Variants in LRRC4C observed in about 807,000 individuals in gnomAD.
LRRC4C encodes the protein leucine-rich repeat-containing protein 4C.
LRRC4C carries 5 observed loss-of-function variants against 33.6 expected under a neutral mutation model. The observed-to-expected ratio is 0.15, with a 90% CI of 0.08 to 0.31. The LOEUF (loss-of-function observed/expected upper bound fraction) is 0.31. Among genes scored for constraint, LRRC4C ranks in the 10% least tolerant of loss-of-function variants. LRRC4C has a pLI of 1.00. For synonymous variants in LRRC4C, 329 were observed against 302.0 expected, an observed-to-expected ratio of 1.09 and a Z score of -0.93; for missense variants, 560 against 796.7, an observed-to-expected ratio of 0.70 and a Z score of 3.58.
At chr11:40,243,686 T>TA (rs1866098477) in intron 4 of LRRC4C, among the ~76,000 whole-genome samples, 1 of 144,428 alleles carries the variant, frequency 6.9e-6, no homozygotes, top group African/African-American at 2.5e-5. Context: ...AAAACTTATA[T>TA]CTTTTTTTTT....
intron 1 of LRRC4C, among the ~76,000 whole-genome samples, chr11:41,199,755 C>A (rs1946330455): frequency 6.6e-6 from 1 of 152,084 alleles, no homozygotes; most frequent in Admixed American, 6.6e-5. Flanking sequence ...AAGGGAGTCC[C>A]AAATGTGGAA....
chr11:41,251,226 A>T (rs1948628052), intron 1 of LRRC4C, among the ~76,000 whole-genome samples: 1 of 152,244 alleles, frequency 6.6e-6, no homozygotes, highest in Non-Finnish European at 1.5e-5. Flanking sequence ...GCCTACCATT[A>T]AGAAGGAGGT....
chr11:40,629,974 T>C (rs1264355616), intron 3 of LRRC4C, among the ~76,000 whole-genome samples: 2 of 152,120 alleles, frequency 1.3e-5, no homozygotes, highest in South Asian at 2.1e-4. Flanking sequence ...GTTTTCTCAG[T>C]ACTAAAATCT....
intron 5 of LRRC4C, among the ~76,000 whole-genome samples, chr11:40,213,310 G>A (rs937593974): frequency 6.6e-6 from 1 of 152,158 alleles, no homozygotes; most frequent in African/African-American, 2.4e-5. Flanking sequence ...AAGGGCAAAA[G>A]GAATGGTATT....
At chr11:40,936,252 A>G (rs1382771118) in intron 1 of LRRC4C, among the ~76,000 whole-genome samples, 1 of 149,312 alleles carries the variant, frequency 6.7e-6, no homozygotes, top group Admixed American at 6.7e-5. Flanking sequence ...TAGATAATTT[A>G]TGTTCACCTG....
chr11:40,722,492 TTGAGCCTTG>T (rs1564977153), intron 2 of LRRC4C, among the ~76,000 whole-genome samples: 1 of 152,186 alleles, frequency 6.6e-6, no homozygotes, highest in African/African-American at 2.4e-5. Flanking sequence ...GAAACCCACA[TTGAGCCTTG>T]GGCCCCTGAA....
intron 2 of LRRC4C, among the ~76,000 whole-genome samples, chr11:40,683,826 A>G (rs568002440): frequency 6.6e-6 from 1 of 152,322 alleles, no homozygotes; most frequent in Admixed American, 6.5e-5. Flanking sequence ...GCCAATGAGG[A>G]AGCATGTCAT....
At chr11:40,476,506 T>A (rs955762503) in intron 3 of LRRC4C, among the ~76,000 whole-genome samples, 3 of 151,822 alleles carry the variant, frequency 2.0e-5, no homozygotes, top group Admixed American at 2.0e-4. Flanking sequence ...CCACCATGTC[T>A]GGCTAATTTT....
chr11:40,613,017 A>G (rs1490217480), intron 3 of LRRC4C, among the ~76,000 whole-genome samples: 4 of 151,974 alleles, frequency 2.6e-5, no homozygotes, highest in Non-Finnish European at 4.4e-5. Context: ...GCTAACAAGC[A>G]TCTGAGTCTC....
At chr11:41,091,945 T>C (rs976734391) in intron 1 of LRRC4C, among the ~76,000 whole-genome samples, 3 of 152,074 alleles carry the variant, frequency 2.0e-5, no homozygotes, top group Non-Finnish European at 4.4e-5. Flanking sequence ...CAATATTGCC[T>C]ATAAGGAATT....
chr11:40,763,728 T>C (rs1949330377), intron 2 of LRRC4C, among the ~76,000 whole-genome samples: 2 of 151,970 alleles, frequency 1.3e-5, no homozygotes, highest in African/African-American at 4.8e-5. Context: ...CAAAATAGGA[T>C]AGAATTGAGC....
chr11:41,059,051 CTT>C (rs1181462841), intron 1 of LRRC4C, among the ~76,000 whole-genome samples: 1 of 151,958 alleles, frequency 6.6e-6, no homozygotes, highest in Non-Finnish European at 1.5e-5. Context: ...CCAGGGCTGA[CTT>C]GAGGGTAGAA....
chr11:41,277,061 C>A (rs543896081), intron 1 of LRRC4C, among the ~76,000 whole-genome samples: 1 of 152,194 alleles, frequency 6.6e-6, no homozygotes, highest in African/African-American at 2.4e-5. Flanking sequence ...AGAGTAGCAA[C>A]CTTATTCATT....
chr11:40,326,811 C>A lies in LRRC4C; in HGVS notation c.-269-7090G>T, dbSNP rs541447260. Among the ~76,000 whole-genome samples the A allele has an allele frequency of 3.2e-4, 48 of 152,156 alleles. No homozygotes were observed. In the South Asian group the frequency reaches 9.7e-3, roughly 31 times the overall value. ...TCTTCTAAGATATAAGTGGAGAGAG[C>A]AATTGATCTGAGTTTTTTAAAGATG... On this transcript the variant is annotated intron_variant, in intron 3 of 6. Transcript: ENST00000528697.
intron 2 of LRRC4C, among the ~76,000 whole-genome samples, chr11:40,912,613 C>T (rs1006846414): frequency 4.6e-5 from 7 of 152,164 alleles, no homozygotes; most frequent in Non-Finnish European, 1.0e-4. Flanking sequence ...TAAAGACCAT[C>T]AAGGCTAGGA....
chr11:40,287,088 T>G (rs373775517), intron 4 of LRRC4C, among the ~76,000 whole-genome samples: 2 of 152,094 alleles, frequency 1.3e-5, no homozygotes, highest in East Asian at 3.8e-4. Context: ...TAACCTTAGT[T>G]TTTACTTGAT....
intron 1 of LRRC4C, among the ~76,000 whole-genome samples, chr11:41,251,889 T>A (rs1227656306): frequency 2.0e-5 from 3 of 152,076 alleles, no homozygotes; most frequent in African/African-American, 2.4e-5. Flanking sequence ...ATAAGCTATA[T>A]AAGCATTATA....
intron 1 of LRRC4C, among the ~76,000 whole-genome samples, chr11:41,137,454 A>G (rs931980923): frequency 1.3e-5 from 2 of 152,164 alleles, no homozygotes; most frequent in African/African-American, 2.4e-5. Flanking sequence ...CATCATTTCT[A>G]TGAATAGCAT....
intron 3 of LRRC4C, among the ~76,000 whole-genome samples, chr11:40,500,293 T>TATATATAC (rs1394949843): frequency 4.0e-4 from 39 of 96,856 alleles, no homozygotes; most frequent in East Asian, 6.3e-4. Flanking sequence ...TATATATATA[T>TATATATAC]ACACACACAC....
Sources: allele counts gnomAD v4.1 joint callset (sites outside exome capture counted in the v4.1 genomes callset), GRCh38; gene constraint gnomAD v4.1.1; transcripts MANE v1.5; gene names NCBI Gene and HGNC (gene_info 2026-07-23, HGNC 2026-07-21).